The following ZPBP variants were observed in gnomAD, a reference collection of about 807,000 sequenced individuals.
ZPBP encodes zona pellucida binding protein, also known as zona pellucida-binding protein 1.
In ZPBP, 26 loss-of-function variants were observed where a neutral mutation model predicts 44.8. The observed-to-expected ratio is 0.58, with a 90% CI of 0.43 to 0.81. The LOEUF is 0.81. ZPBP is among the 30% of genes least tolerant of loss of function. The probability of loss-of-function intolerance (pLI) is 0.00; values close to 1 mark genes in which losing one functional copy is unlikely to be tolerated. For missense variants in ZPBP, 409 were observed against 434.0 expected, an observed-to-expected ratio of 0.94 and a Z score of 0.51; for synonymous variants, 174 against 153.2, an observed-to-expected ratio of 1.14 and a Z score of -1.00.
At chr7:49,924,746 G>T (rs1291919183) in intron 1 of ZPBP, among the ~76,000 whole-genome samples, 1 of 152,070 alleles carries the variant, frequency 6.6e-6, no homozygotes, top group Non-Finnish European at 1.5e-5. Flanking sequence ...CCTCTTACTA[G>T]TAAAAACCCT....
At chr7:50,047,510 A>T (rs1190013024) in intron 4 of ZPBP, among the ~76,000 whole-genome samples, 1 of 152,134 alleles carries the variant, frequency 6.6e-6, no homozygotes, top group Non-Finnish European at 1.5e-5. Flanking sequence ...CTATGGACAC[A>T]GTAGCAGGGA....
At position 50,031,125 on chromosome 7, in the gene ZPBP, C is replaced by T. The variant is rs1468321681; in HGVS notation, c.673G>A (p.Gly225Ser). Residue 225 changes from glycine to serine, a missense_variant, in exon 5 of 8, where the codon GGT (glycine) becomes AGT (serine). Gly to Ser is a moderately conservative substitution (Grantham distance 56). This residue lies in a region of ZPBP where 367 missense variants were observed against 363.1 expected (regional missense o/e 1.01). Transcript: ENST00000046087. ...GCAAAGAACAATTCATTTTGCAAACCAGCTCTTTGCATTTTAACGCGATGG... is the reference window on the plus strand; with the variant it reads ...GCAAAGAACAATTCATTTTGCAAACTAGCTCTTTGCATTTTAACGCGATGG... ...ECHRVKMQRA[G>S]LQNELFFAFS... is the part of the protein sequence containing the mutation. 6.2e-7 allele frequency: 1 copy of T among 1,613,486 alleles called. No homozygotes were observed.
At chr7:50,014,465 C>CTTTTTT (rs11378550) in intron 6 of ZPBP, among the ~76,000 whole-genome samples, 2 of 132,384 alleles carry the variant, frequency 1.5e-5, no homozygotes, top group African/African-American at 2.7e-5. Context: ...CTTTCTTTTT[C>CTTTTTT]TTTTTTTTTT....
Position 49,877,470 on chromosome 7 carries a change from A to AAAAAAAT in ZPBP, n.509+23647_509+23648insATTTTTT, listed in dbSNP as rs1791463482. ...AGTAAGAAACTCTGTCTCAAAAAAA[A>AAAAAAAT]AAAAAAAAAAAATATATATATATAT... is the stretch of plus-strand genomic sequence containing the variant. On this transcript the variant is annotated intron_variant and non_coding_transcript_variant, in intron 2 of 2. Transcript: ENST00000465922. 5.0e-5 allele frequency among the ~76,000 whole-genome samples: 2 copies of AAAAAAAT among 39,858 alleles called. 1 individual carries two copies. Among genetic ancestry groups the AAAAAAAT allele is most frequent in the South Asian group, 2.3e-3 (2 of 862 alleles). 26.1% of individuals were successfully genotyped at this position (39,858 alleles called of 152,430 possible).
chr7:50,018,215 C>G, intron 6 of ZPBP, 25 bp downstream of exon 6: 1 of 1,598,436 alleles, frequency 6.3e-7, no homozygotes. Flanking sequence ...TTTTTTTTTC[C>G]TTTTACCAGC....
chr7:50,087,352 CA>C (rs1397365247), intron 2 of ZPBP, among the ~76,000 whole-genome samples: 1 of 151,930 alleles, frequency 6.6e-6, no homozygotes, highest in Non-Finnish European at 1.5e-5. Context: ...GAATGCAAAG[CA>C]AGTTCAAAAT....
rs1246209824 is a variant in ZPBP, at chr7:50,092,914, G to A, written c.127+154C>T. ...ATGCAAATGCAGAGTGACTTTGTAC[G>A]ACTTCCATAAAAAATAAGCCTTTCT... On this transcript the variant is annotated intron_variant, in intron 1 of 7. Coordinates refer to ENST00000046087, the MANE Select transcript of ZPBP (RefSeq NM_007009.3). The A allele has an allele frequency of 7.6e-6, 9 of 1,183,060 alleles. No individual in the cohort carries two copies. In the East Asian group the frequency reaches 2.6e-4, roughly 34 times the overall value. The allele number at this position is 1,183,060 out of a possible 1,614,324, so 73.3% of individuals were successfully genotyped here.
At chr7:49,963,193 T>G (rs1345636365) in intron 7 of ZPBP, among the ~76,000 whole-genome samples, 10 of 151,546 alleles carry the variant, frequency 6.6e-5, no homozygotes, top group African/African-American at 2.4e-4. Flanking sequence ...ATTATTATAC[T>G]TTAAGTTTTA....
chr7:49,840,949 G>A, the ZPBP span, among the ~76,000 whole-genome samples: 2 of 152,126 alleles, frequency 1.3e-5, no homozygotes, highest in Non-Finnish European at 2.9e-5. Context: ...TGACTTGATG[G>A]GATGCAAAGA....
intron 2 of ZPBP, among the ~76,000 whole-genome samples, chr7:49,869,374 CAGG>C (rs932433401): frequency 1.3e-5 from 2 of 151,968 alleles, no homozygotes; most frequent in African/African-American, 4.8e-5. Flanking sequence ...TTCATCTGGC[CAGG>C]AGGAGAAGGG....
chr7:49,921,356 A>T (rs1460223748), intron 1 of ZPBP: 1 of 152,232 alleles, frequency 6.6e-6, no homozygotes, highest in Non-Finnish European at 1.5e-5. Flanking sequence ...CTCTAGAAAC[A>T]AAGGCCAGAG....
intron 7 of ZPBP, among the ~76,000 whole-genome samples, chr7:49,955,294 C>T (rs994290311): frequency 1.3e-5 from 2 of 152,188 alleles, no homozygotes; most frequent in African/African-American, 4.8e-5. Context: ...CGCAGTGGCT[C>T]ACACCAGTAA....
chr7:49,875,447 A>C (rs900296886), intron 2 of ZPBP, among the ~76,000 whole-genome samples: 18 of 151,664 alleles, frequency 1.2e-4, no homozygotes, highest in Admixed American at 6.6e-4. Context: ...GGAAAAAAAA[A>C]AGTATTTGAA....
At chr7:50,069,464 T>C (rs767793355) in intron 3 of ZPBP, among the ~76,000 whole-genome samples, 7 of 152,180 alleles carry the variant, frequency 4.6e-5, no homozygotes, top group Non-Finnish European at 8.8e-5. Flanking sequence ...CATTTAGTCA[T>C]GAGTCAATAC....
intron 4 of ZPBP, among the ~76,000 whole-genome samples, chr7:50,038,225 T>G (rs1447136365): frequency 6.6e-6 from 1 of 152,150 alleles, no homozygotes; most frequent in Admixed American, 6.5e-5. Flanking sequence ...CTCAGAGAAT[T>G]TATCCAGGGA....
chr7:49,988,173 G>A (rs769880440), intron 6 of ZPBP, among the ~76,000 whole-genome samples: 1 of 151,968 alleles, frequency 6.6e-6, no homozygotes, highest in Non-Finnish European at 1.5e-5. Context: ...ATCTGTAAAA[G>A]GTTATACAAG....
intron 4 of ZPBP, among the ~76,000 whole-genome samples, chr7:50,045,201 T>C (rs1426723101): frequency 6.6e-6 from 1 of 152,160 alleles, no homozygotes; most frequent in African/African-American, 2.4e-5. Flanking sequence ...TCATAATAAA[T>C]GGGCAAAAGC....
chr7:49,927,599 C>A (rs1268590768), intron 1 of ZPBP, among the ~76,000 whole-genome samples: 4 of 152,098 alleles, frequency 2.6e-5, no homozygotes, highest in Non-Finnish European at 5.9e-5. Context: ...GGTGATTTGG[C>A]AAATTGCTAT....
chr7:49,884,231 G>C (rs1414555991), intron 2 of ZPBP, among the ~76,000 whole-genome samples: 1 of 152,248 alleles, frequency 6.6e-6, no homozygotes, highest in Non-Finnish European at 1.5e-5. Context: ...TGTCTGGGCT[G>C]GAGGAAGGAT....
Sources: allele counts gnomAD v4.1 joint callset (sites outside exome capture counted in the v4.1 genomes callset), GRCh38; gene constraint gnomAD v4.1.1; regional missense constraint gnomAD v4.1.1; transcripts MANE v1.5; gene names NCBI Gene and HGNC (gene_info 2026-07-23, HGNC 2026-07-21).